ZBTB38: variants seen among roughly 807,000 people sequenced by gnomAD.
ZBTB38 encodes zinc finger and BTB domain containing 38, also known as zinc finger and BTB domain-containing protein 38.
In ZBTB38, 20 loss-of-function variants were observed where a neutral mutation model predicts 76.8. That is an observed-to-expected ratio of 0.26 (90% CI 0.18 to 0.38). ZBTB38 has a LOEUF of 0.38. ZBTB38 is among the 10% of genes least tolerant of loss of function. The pLI, the probability that ZBTB38 is intolerant of heterozygous loss-of-function variation, is 1.00. For synonymous variants in ZBTB38, 504 were observed against 544.2 expected, an observed-to-expected ratio of 0.93 and a Z score of 1.03; for missense variants, 1,082 against 1,482.3, an observed-to-expected ratio of 0.73 and a Z score of 4.43.
intron 1 of ZBTB38, among the ~76,000 whole-genome samples, chr3:141,340,799 A>G (rs1215249201): frequency 6.6e-6 from 1 of 151,898 alleles, no homozygotes; most frequent in Non-Finnish European, 1.5e-5. Flanking sequence ...TGGGAGGCTG[A>G]GGCAGGAGAA....
intron 1 of ZBTB38, among the ~76,000 whole-genome samples, chr3:141,356,904 G>T (rs1227662878): frequency 6.6e-6 from 1 of 152,166 alleles, no homozygotes; most frequent in Non-Finnish European, 1.5e-5. Context: ...CATCAAGAAT[G>T]ACTTTTTTTA....
rs749083541 is a variant in ZBTB38 at position 141,443,534 on chromosome 3, C to T, written c.1146C>T (p.Thr382=). ...AGTATTGCAACAAACAATTCACCACCCTGAACAGGTTGGATCGGCATGAAC... is the reference window on the plus strand; with the variant it reads ...AGTATTGCAACAAACAATTCACCACTCTGAACAGGTTGGATCGGCATGAAC... ...VCKYCNKQFT[T]LNRLDRHEQI... is the part of the protein sequence containing the mutation. Residue 382 remains threonine, a synonymous_variant, in exon 6 of 6, where the codon ACC becomes ACT. Transcript: ENST00000321464. The surrounding 1 kb of genome is among the most constrained non-coding windows in gnomAD (Gnocchi z 5.6). 2 of 1,614,054 alleles carry T rather than the reference C, an allele frequency of 1.2e-6. No homozygotes were observed. Among genetic ancestry groups the T allele is most frequent in the Non-Finnish European group, 1.7e-6 (2 of 1,180,058 alleles).
At position 141,444,520 on chromosome 3, in the gene ZBTB38, G is replaced by A; in HGVS notation, c.2132G>A (p.Gly711Asp). ...GCCGCCTCTGTGATCAGCTACAGTG[G>A]CTCTGCACCCTCGGTCATTGTACAC... ...ENAASVISYS[G>D]SAPSVIVHSS... The change falls in exon 6 of 6, where the codon GGC (glycine) becomes GAC (aspartate). Residue 711 changes from glycine (G) to aspartate (D), a missense_variant. Physicochemically the swap from Gly to Asp is moderately conservative, Grantham distance 94 (BLOSUM62 -1). This residue lies in a region of ZBTB38 where 471 missense variants were observed against 581.0 expected (regional missense o/e 0.81). Coordinates refer to ENST00000321464, the MANE Select transcript of ZBTB38 (RefSeq NM_001376113.1). The surrounding 1 kb of genome is among the most constrained non-coding windows in gnomAD (Gnocchi z 5.1). The A allele has an allele frequency of 6.2e-7, 1 of 1,614,116 alleles. No homozygotes were observed. The highest frequency in any genetic ancestry group is 8.5e-7 in the Non-Finnish European group (1 of 1,180,022).
intron 5 of ZBTB38, among the ~76,000 whole-genome samples, chr3:141,422,169 T>C (rs1196109612): frequency 6.6e-6 from 1 of 152,240 alleles, no homozygotes; most frequent in Non-Finnish European, 1.5e-5. Flanking sequence ...GGCTCAGCAA[T>C]GCAGAAAGAG....
intron 4 of ZBTB38, chr3:141,389,819 A>G: frequency 6.6e-6 from 1 of 152,230 alleles, no homozygotes; most frequent in Non-Finnish European, 1.5e-5. Context: ...TTGTTTTACC[A>G]TTAAAATGAA....
intron 1 of ZBTB38, among the ~76,000 whole-genome samples, chr3:141,335,713 C>G (rs1208854869): frequency 2.0e-5 from 3 of 152,246 alleles, no homozygotes; most frequent in Non-Finnish European, 4.4e-5. Flanking sequence ...CTCTGCTGAA[C>G]TCTCCATGAC....
chr3:141,443,029 C>A lies in ZBTB38; in HGVS notation c.641C>A (p.Pro214His), dbSNP rs374266610. The change falls in exon 6 of 6, where the codon CCT (proline) becomes CAT (histidine). Residue 214 changes from proline (P) to histidine (H), a missense_variant. Physicochemically the swap from Pro to His is moderately conservative, Grantham distance 77. This residue lies in a region of ZBTB38 where 324 missense variants were observed against 359.1 expected (regional missense o/e 0.90). Transcript: ENST00000321464. This position sits in a 1 kb window ranked among gnomAD's most constrained non-coding sequence, Gnocchi z 5.6. ...ACGGACGTCTGCCACGAGGCAGAGC[C>A]TGTCCGCACACTTGCCGAGCACTCA... ...ERTDVCHEAE[P>H]VRTLAEHSYA... The A allele has an allele frequency of 8.7e-5, 140 of 1,614,140 alleles. 1 individual carries two copies. In the South Asian group the frequency reaches 1.4e-3, roughly 17 times the overall value.
At chr3:141,417,180 T>C (rs6440005) in intron 5 of ZBTB38, among the ~76,000 whole-genome samples, 16,095 of 152,150 alleles carry the variant, frequency 0.11, 1,876 homozygotes, top group African/African-American at 0.29. Flanking sequence ...CATGCTCCCC[T>C]TTTAGCCCTA....
chr3:141,436,468 CCTGGT>C (rs2078813083), intron 5 of ZBTB38, among the ~76,000 whole-genome samples: 1 of 152,086 alleles, frequency 6.6e-6, no homozygotes, highest in Admixed American at 6.6e-5. Context: ...CCCAGTGTTG[CCTGGT>C]CTTCCTATTT....
intron 3 of ZBTB38, among the ~76,000 whole-genome samples, chr3:141,382,524 T>C (rs1336717514): frequency 6.6e-6 from 1 of 152,194 alleles, no homozygotes; most frequent in Non-Finnish European, 1.5e-5. Context: ...TAAATACATT[T>C]CAAGTGGAAA....
At chr3:141,421,413 T>C (rs1014508876) in intron 5 of ZBTB38, among the ~76,000 whole-genome samples, 1 of 151,786 alleles carries the variant, frequency 6.6e-6, no homozygotes, top group Non-Finnish European at 1.5e-5. Context: ...AGGTGTGAGC[T>C]ACCACACCCA....
At chr3:141,352,384 C>A (rs1177766382) in intron 1 of ZBTB38, among the ~76,000 whole-genome samples, 4 of 151,996 alleles carry the variant, frequency 2.6e-5, no homozygotes, top group Admixed American at 6.6e-5. Flanking sequence ...CCATGATAAT[C>A]TGAACTCTCA....
chr3:141,335,669 G>A (rs894624324), intron 1 of ZBTB38, among the ~76,000 whole-genome samples: 1 of 152,180 alleles, frequency 6.6e-6, no homozygotes, highest in African/African-American at 2.4e-5. Flanking sequence ...CCACAACAGG[G>A]CCCAGCTAGC....
chr3:141,411,554 G>A (rs753902840), intron 5 of ZBTB38, among the ~76,000 whole-genome samples: 1 of 152,216 alleles, frequency 6.6e-6, no homozygotes, highest in Non-Finnish European at 1.5e-5. Flanking sequence ...GCTTTAATGG[G>A]AGGGGACAGA....
chr3:141,348,687 ATTTCAAACATGGAACCTGGCACT>A (rs1943433483), intron 1 of ZBTB38, among the ~76,000 whole-genome samples: 1 of 152,236 alleles, frequency 6.6e-6, no homozygotes, highest in African/African-American at 2.4e-5. Flanking sequence ...ACGAGCTAGG[ATTTCAAACATGGAACCTGGCACT>A]GTATCTGTCA....
chr3:141,334,463 T>G (rs1224013231), intron 1 of ZBTB38, among the ~76,000 whole-genome samples: 1 of 148,398 alleles, frequency 6.7e-6, no homozygotes, highest in African/African-American at 2.6e-5. Context: ...CTTCCTTCCT[T>G]CCTTCCTTCC....
intron 4 of ZBTB38, among the ~76,000 whole-genome samples, chr3:141,401,277 G>A (rs538397613): frequency 6.6e-6 from 1 of 152,106 alleles, no homozygotes; most frequent in Admixed American, 6.5e-5. Context: ...TGAACACATG[G>A]CATATGGAGG....
intron 1 of ZBTB38, among the ~76,000 whole-genome samples, chr3:141,337,909 TA>T (rs1029853926): frequency 5.9e-5 from 9 of 152,248 alleles, no homozygotes; most frequent in African/African-American, 2.2e-4. Flanking sequence ...TACTCTCAGA[TA>T]ATAATTATCA....
At chr3:141,364,364 A>G (rs1361225196), upstream of ZBTB38, among the ~76,000 whole-genome samples, 2 of 150,874 alleles carry the variant, frequency 1.3e-5, no homozygotes, top group African/African-American at 4.9e-5. Context: ...ATATATAAAG[A>G]ATCCCTAAAA....
Sources: allele counts gnomAD v4.1 joint callset (sites outside exome capture counted in the v4.1 genomes callset), GRCh38; gene constraint gnomAD v4.1.1; regional missense constraint gnomAD v4.1.1; non-coding constraint Gnocchi (gnomAD v3.1); transcripts MANE v1.5; gene names NCBI Gene and HGNC (gene_info 2026-07-23, HGNC 2026-07-21).